Variants in ARL15 observed in about 807,000 individuals in gnomAD.
ARL15 encodes the protein ADP-ribosylation factor-like protein 15.
Under a neutral mutation model 25.2 loss-of-function variants are expected in ARL15, and 19 were observed. The observed-to-expected ratio is 0.75, with a 90% CI of 0.53 to 1.10. The LOEUF is 1.10. Ranked by LOEUF, ARL15 falls within the 50% of genes least tolerant of loss-of-function variation. ARL15 has a pLI of 0.00. For missense variants in ARL15, 220 were observed against 246.0 expected (o/e 0.89, Z 0.71); for synonymous variants, 94 against 86.8 (o/e 1.08, Z -0.46).
At chr5:54,129,131 T>G (rs1753357111) in intron 3 of ARL15, among the ~76,000 whole-genome samples, 1 of 152,350 alleles carries the variant, frequency 6.6e-6, no homozygotes, top group East Asian at 1.9e-4. Context: ...TCCTGATACC[T>G]TTCAACATAT....
chr5:54,114,139 T>C (rs12332243), intron 3 of ARL15, among the ~76,000 whole-genome samples: 34,278 of 151,964 alleles, frequency 0.23, 4,319 homozygotes, highest in African/African-American at 0.34. Context: ...GGTTCACACC[T>C]GTAATCTCAG....
intron 1 of ARL15, among the ~76,000 whole-genome samples, chr5:54,274,562 TCA>T (rs1757876052): frequency 6.6e-6 from 1 of 152,174 alleles, no homozygotes. Flanking sequence ...CCAGATGTTC[TCA>T]CTCTAATTGA....
At chr5:54,239,960 G>A (rs1319007483) in intron 1 of ARL15, among the ~76,000 whole-genome samples, 8 of 152,150 alleles carry the variant, frequency 5.3e-5, no homozygotes, top group Admixed American at 4.6e-4. Flanking sequence ...GGGCGCGGTG[G>A]CTCAGGCCTG....
chr5:53,887,928 T>C (rs1580050573), intron 4 of ARL15, among the ~76,000 whole-genome samples: 1 of 152,154 alleles, frequency 6.6e-6, no homozygotes, highest in Non-Finnish European at 1.5e-5. Context: ...TGTTTGTACA[T>C]TTTTTCATAT....
In ARL15 at chr5:54,062,518, A is replaced by T. The variant is rs79689353; in HGVS notation, c.462+50684T>A. Among the ~76,000 whole-genome samples the T allele has an allele frequency of 2.4e-5, 3 of 126,870 alleles. No homozygotes were observed. In the East Asian group the frequency reaches 6.3e-4, roughly 27 times the overall value. 83.2% of individuals were successfully genotyped at this position (126,870 alleles called of 152,430 possible). A position where few individuals can be genotyped will look rare whatever the true frequency, so the allele number is the denominator to read the frequency against. On this transcript the variant is annotated intron_variant, in intron 4 of 4. Transcript: ENST00000504924. The stretch of plus-strand genomic sequence containing the variant: ...GACTCACGAGATTTGGTGGTTAAGG[A>T]AAAAAAAAAAAAAAACAACAGAAGC...
Position 54,245,649 on chromosome 5 carries a change from G to A in ARL15, c.48+64783C>T, listed in dbSNP as rs574695213. ...GCTGTCCAGGCTAGAGTGCACTGGC[G>A]CGATCTTGGCTCACTGCAACCTCCG... On this transcript the variant is annotated intron_variant, in intron 1 of 4. Transcript: ENST00000504924. Among the ~76,000 whole-genome samples, 10 of 152,042 alleles carry A rather than the reference G, an allele frequency of 6.6e-5. No individual in the cohort carries two copies. The South Asian group carries it at 1.5e-3, about 22-fold the overall frequency.
At chr5:54,114,924 C>T (rs1752855885) in intron 3 of ARL15, among the ~76,000 whole-genome samples, 1 of 152,214 alleles carries the variant, frequency 6.6e-6, no homozygotes, top group Non-Finnish European at 1.5e-5. Context: ...GTATTTCAGT[C>T]ATCCACTGAA....
intron 1 of ARL15, among the ~76,000 whole-genome samples, chr5:54,213,835 T>C (rs1192166354): frequency 1.3e-5 from 2 of 152,186 alleles, no homozygotes; most frequent in African/African-American, 2.4e-5. Flanking sequence ...ATTAACCCAA[T>C]ATTCAAAGAT....
intron 1 of ARL15, among the ~76,000 whole-genome samples, chr5:54,304,661 C>A (rs1416083020): frequency 6.6e-6 from 1 of 152,144 alleles, no homozygotes; most frequent in Non-Finnish European, 1.5e-5. Flanking sequence ...TATGGTAGAT[C>A]TGTTTATTGT....
At chr5:54,083,053 AT>A (rs1163714216) in intron 4 of ARL15, among the ~76,000 whole-genome samples, 1 of 152,190 alleles carries the variant, frequency 6.6e-6, no homozygotes, top group African/African-American at 2.4e-5. Context: ...ATGTAAGCAA[AT>A]GTGGTATGTT....
chr5:54,209,903 T>C (rs1755987998), intron 1 of ARL15, among the ~76,000 whole-genome samples: 3 of 152,202 alleles, frequency 2.0e-5, no homozygotes, highest in Admixed American at 6.5e-5. Context: ...TTTTCTTACA[T>C]GGCAACTTTC....
intron 4 of ARL15, among the ~76,000 whole-genome samples, chr5:53,935,071 G>A (rs1189367508): frequency 6.6e-6 from 1 of 152,192 alleles, no homozygotes; most frequent in Non-Finnish European, 1.5e-5. Context: ...ATAAAAAGAG[G>A]AGGGAGGATC....
intron 4 of ARL15, among the ~76,000 whole-genome samples, chr5:54,025,018 C>T (rs1169710556): frequency 6.6e-6 from 1 of 151,990 alleles, no homozygotes; most frequent in Non-Finnish European, 1.5e-5. Context: ...ATGTTATATA[C>T]ACATATTTTT....
chr5:54,131,571 G>A (rs752516976), intron 3 of ARL15, among the ~76,000 whole-genome samples: 1 of 152,060 alleles, frequency 6.6e-6, no homozygotes, highest in East Asian at 1.9e-4. Context: ...AATGTCATGC[G>A]TAACTTTCTA....
At chr5:54,095,014 C>A (rs1752242470) in intron 4 of ARL15, among the ~76,000 whole-genome samples, 1 of 152,170 alleles carries the variant, frequency 6.6e-6, no homozygotes, top group Non-Finnish European at 1.5e-5. Context: ...GAAATCAAGA[C>A]TCGAAATTCT....
intron 3 of ARL15, among the ~76,000 whole-genome samples, chr5:54,140,451 GATAGATAGAT>G (rs969708512): frequency 1.2e-4 from 16 of 138,466 alleles, no homozygotes; most frequent in Admixed American, 4.8e-4. Context: ...TAGATAGATA[GATAGATAGAT>G]AGATAGAGAT....
chr5:54,003,404 C>T (rs1474912425), intron 4 of ARL15, among the ~76,000 whole-genome samples: 2 of 152,164 alleles, frequency 1.3e-5, no homozygotes, highest in African/African-American at 4.8e-5. Context: ...ATTTATCAGC[C>T]AGCCATTTCT....
intron 1 of ARL15, chr5:54,282,201 T>C: frequency 1.0e-6 from 1 of 969,826 alleles, no homozygotes; most frequent in Non-Finnish European, 1.2e-6. Context: ...TCACTCCACA[T>C]GATTTCCAAC....
chr5:54,013,651 G>C (rs148868748), intron 4 of ARL15, among the ~76,000 whole-genome samples: 5 of 152,224 alleles, frequency 3.3e-5, no homozygotes, highest in Middle Eastern at 3.4e-3. Flanking sequence ...CACTATTGTA[G>C]AACTTAAGAT....
Sources: allele counts gnomAD v4.1 joint callset (sites outside exome capture counted in the v4.1 genomes callset), GRCh38; gene constraint gnomAD v4.1.1; transcripts MANE v1.5; gene names NCBI Gene and HGNC (gene_info 2026-07-23, HGNC 2026-07-21).